The following ZNF423 variants were observed in gnomAD, a reference collection of about 807,000 sequenced individuals.
The protein encoded by ZNF423 is zinc finger protein 423, also known as Ebf-associated zinc finger protein.
A neutral mutation model predicts 95.8 loss-of-function variants in ZNF423; 12 were observed. That is an observed-to-expected ratio of 0.13 (90% CI 0.08 to 0.20). The LOEUF (loss-of-function observed/expected upper bound fraction) is 0.20, where lower values mean the gene tolerates loss of function less well. Among genes scored for constraint, ZNF423 ranks in the 10% least tolerant of loss-of-function variants. ZNF423 has a pLI of 1.00. For synonymous variants in ZNF423, 749 were observed against 711.9 expected (o/e 1.05, Z -0.83); for missense variants, 1,316 against 1,737.1 (o/e 0.76, Z 4.31).
chr16:49,505,807 G>A (rs1335856135), intron 7 of ZNF423, among the ~76,000 whole-genome samples: 1 of 152,194 alleles, frequency 6.6e-6, no homozygotes, highest in Non-Finnish European at 1.5e-5. Context: ...CACTGATGAG[G>A]CTGAAGAATG....
chr16:49,762,119 A>G (rs1405060485), intron 2 of ZNF423, among the ~76,000 whole-genome samples: 2 of 152,212 alleles, frequency 1.3e-5, no homozygotes, highest in East Asian at 1.9e-4. Context: ...GCCCAAATCC[A>G]TATTTAAAAG....
At chr16:49,750,539 C>T (rs1048037175) in intron 2 of ZNF423, among the ~76,000 whole-genome samples, 2 of 152,272 alleles carry the variant, frequency 1.3e-5, no homozygotes, top group Middle Eastern at 3.4e-3. Flanking sequence ...GTCAGCCAGA[C>T]GCTCCTCTCC....
chr16:49,686,055 C>T (rs1168494334), intron 3 of ZNF423, among the ~76,000 whole-genome samples: 2 of 152,204 alleles, frequency 1.3e-5, no homozygotes, highest in Middle Eastern at 3.2e-3. Context: ...ATGCCCCATG[C>T]TCTTCCTTCC....
At position 49,638,555 on chromosome 16, in the gene ZNF423, G is replaced by T. The variant is rs1379569101; in HGVS notation, c.621C>A (p.Cys207Ter). 1 of 1,613,768 alleles carries T rather than the reference G, an allele frequency of 6.2e-7. No individual in the cohort carries two copies. Among genetic ancestry groups the T allele is most frequent in the Non-Finnish European group, 8.5e-7 (1 of 1,180,036 alleles). ...GGTCGCTGCGGGAGAAGGCTGCCTC[G>T]CACTCGTGGCAGTGATACTTCTTGT... Reference protein sequence around the residue: ...TGDKKYHCHECEAAFSRSDHL... With the variant: ...TGDKKYHCHE Residue 207 changes from cysteine (C) to a stop codon, truncating the protein, a stop_gained, in exon 4 of 8, where the codon TGC becomes TGA. Coordinates refer to ENST00000563137, the MANE Select transcript of ZNF423 (RefSeq NM_001379286.1). LOFTEE classifies it high-confidence loss of function. The surrounding 1 kb of genome is among the most constrained non-coding windows in gnomAD (Gnocchi z 5.6).
intron 2 of ZNF423, among the ~76,000 whole-genome samples, chr16:49,777,887 G>A (rs1167955540): frequency 6.6e-6 from 1 of 152,162 alleles, no homozygotes; most frequent in African/African-American, 2.4e-5. Flanking sequence ...AATTGTTATT[G>A]TTAAGACAGT....
intron 1 of ZNF423, among the ~76,000 whole-genome samples, chr16:49,808,995 G>A (rs1219962693): frequency 4.6e-5 from 7 of 152,174 alleles, no homozygotes; most frequent in Non-Finnish European, 5.9e-5. Context: ...CAGGAGGCAC[G>A]TCCCCGAGCA....
At chr16:49,551,360 C>G (rs1969628065) in intron 5 of ZNF423, among the ~76,000 whole-genome samples, 1 of 152,246 alleles carries the variant, frequency 6.6e-6, no homozygotes, top group African/African-American at 2.4e-5. Flanking sequence ...CTATCAGCAT[C>G]TCAAAACACA....
At chr16:49,683,989 T>C (rs747099868) in intron 3 of ZNF423, among the ~76,000 whole-genome samples, 16 of 152,166 alleles carry the variant, frequency 1.1e-4, no homozygotes, top group African/African-American at 1.7e-4. Context: ...GAGGATTGCT[T>C]GAGCCTGGGA....
At chr16:49,708,661 G>C (rs1404510853) in intron 3 of ZNF423, among the ~76,000 whole-genome samples, 2 of 152,138 alleles carry the variant, frequency 1.3e-5, no homozygotes, top group African/African-American at 4.8e-5. Context: ...CTGCCCACAT[G>C]CCACAGGGAC....
At chr16:49,733,668 C>A (rs2033220881) in intron 2 of ZNF423, among the ~76,000 whole-genome samples, 1 of 152,212 alleles carries the variant, frequency 6.6e-6, no homozygotes, top group Admixed American at 6.5e-5. Context: ...TCAGGCCACA[C>A]AAAGGCGCGG....
intron 2 of ZNF423, among the ~76,000 whole-genome samples, chr16:49,752,024 A>G (rs2033641728): frequency 6.6e-6 from 1 of 152,214 alleles, no homozygotes. Context: ...AGCTCATCTC[A>G]GGACCCCTAG....
chr16:49,737,467 G>A (rs1032746889), intron 2 of ZNF423, among the ~76,000 whole-genome samples: 1 of 152,174 alleles, frequency 6.6e-6, no homozygotes, highest in Non-Finnish European at 1.5e-5. Context: ...ACAGGGTTTT[G>A]CCATGTTGGC....
At chr16:49,652,387 G>C (rs114526100) in intron 3 of ZNF423, among the ~76,000 whole-genome samples, 2 of 151,100 alleles carry the variant, frequency 1.3e-5, no homozygotes, top group African/African-American at 2.4e-5. Context: ...CAGCTCACCC[G>C]AGAGCTGGCT....
chr16:49,792,018 A>AAAAAAAG (rs57175853), intron 1 of ZNF423, among the ~76,000 whole-genome samples: 9 of 138,298 alleles, frequency 6.5e-5, no homozygotes, highest in East Asian at 2.2e-4. Flanking sequence ...AAAAAAAAAA[A>AAAAAAAG]AAAGAAAGAA....
intron 3 of ZNF423, among the ~76,000 whole-genome samples, chr16:49,663,086 C>A (rs547473187): frequency 6.6e-6 from 1 of 152,164 alleles, no homozygotes; most frequent in African/African-American, 2.4e-5. Context: ...CCAGAGTCCT[C>A]CCGAGTCTGC....
At chr16:49,629,597 T>C (rs1418358481) in intron 4 of ZNF423, among the ~76,000 whole-genome samples, 1 of 152,200 alleles carries the variant, frequency 6.6e-6, no homozygotes, top group East Asian at 1.9e-4. Context: ...CCTGAACTTA[T>C]GCTAAAGGAC....
intron 5 of ZNF423, among the ~76,000 whole-genome samples, chr16:49,619,900 C>T (rs568528853): frequency 2.0e-5 from 3 of 152,156 alleles, no homozygotes; most frequent in South Asian, 4.2e-4. Flanking sequence ...GGAGCTGGGG[C>T]GAGACACTGA....
chr16:49,822,841 G>A (rs777940797), intron 1 of ZNF423: 11 of 823,434 alleles, frequency 1.3e-5, no homozygotes, highest in Admixed American at 3.1e-5. Context: ...AGCAAACTGA[G>A]GCTCAGACTA....
At chr16:49,596,173 A>G (rs943681283) in intron 5 of ZNF423, among the ~76,000 whole-genome samples, 6 of 151,752 alleles carry the variant, frequency 4.0e-5, no homozygotes, top group African/African-American at 1.2e-4. Flanking sequence ...TTACATTGGG[A>G]AAAAAAAATG....
Sources: gnomAD v4.1 joint callset for allele counts (sites outside exome capture counted in the v4.1 genomes callset) on GRCh38, gnomAD v4.1.1 for gene constraint, Gnocchi (gnomAD v3.1) non-coding constraint, MANE v1.5 for transcripts, NCBI Gene and HGNC (gene_info 2026-07-23, HGNC 2026-07-21) for gene names.